Variants in KCNMA1 observed in about 807,000 individuals in gnomAD.
KCNMA1 encodes Calcium-activated potassium channel subunit alpha-1.
Under a neutral mutation model 140.0 loss-of-function variants are expected in KCNMA1, and 29 were observed. That is an observed-to-expected ratio of 0.21 (90% CI 0.15 to 0.28). The LOEUF is 0.28. Ranked by LOEUF, KCNMA1 falls within the 10% of genes least tolerant of loss-of-function variation. The probability of loss-of-function intolerance (pLI) is 1.00; values close to 1 mark genes in which losing one functional copy is unlikely to be tolerated. For missense variants in KCNMA1, 880 were observed against 1,602.2 expected (o/e 0.55, Z 7.70); for synonymous variants, 612 against 611.9 (o/e 1.00, Z 0.00).
At chr10:77,045,012 G>T (rs370028336) in intron 14 of KCNMA1, among the ~76,000 whole-genome samples, 1 of 152,188 alleles carries the variant, frequency 6.6e-6, no homozygotes, top group Non-Finnish European at 1.5e-5. Flanking sequence ...TTTACGAGAC[G>T]TCTAGCAAGG....
At chr10:77,339,376 G>T (rs1347670839) in intron 2 of KCNMA1, among the ~76,000 whole-genome samples, 3 of 152,122 alleles carry the variant, frequency 2.0e-5, no homozygotes, top group African/African-American at 7.2e-5. Context: ...TGCCTTTCCT[G>T]GGATGTCAGC....
chr10:77,116,700 CCTT>C lies in KCNMA1; in HGVS notation c.885-4261_885-4259del, dbSNP rs965561751. 1.8e-4 allele frequency among the ~76,000 whole-genome samples: 28 copies of C among 152,138 alleles called. 1 individual carries two copies. Among genetic ancestry groups the C allele is most frequent in the African/African-American group, 6.7e-4 (28 of 41,518 alleles). On this transcript the variant is annotated intron_variant, in intron 6 of 27. Coordinates refer to ENST00000286628, the MANE Select transcript of KCNMA1 (RefSeq NM_001161352.2). Reference sequence around the variant, plus strand: ...TCAATCCCTTAATTATCTCTAGATCCCTTCTTCTTTCTCTGCCCCAATTTGCAC... The same window carrying C: ...TCAATCCCTTAATTATCTCTAGATCCCTTCTTTCTCTGCCCCAATTTGCAC...
chr10:77,028,207 C>T (rs974622538), intron 15 of KCNMA1, among the ~76,000 whole-genome samples: 9 of 152,118 alleles, frequency 5.9e-5, no homozygotes, highest in Non-Finnish European at 1.3e-4. Flanking sequence ...GTTACTCGGT[C>T]GGGTAGTAAA....
intron 1 of KCNMA1, among the ~76,000 whole-genome samples, chr10:77,413,002 C>T (rs1371597088): frequency 4.0e-5 from 6 of 151,898 alleles, no homozygotes; most frequent in Admixed American, 6.6e-5. Flanking sequence ...GGATTACAGG[C>T]GTGTGTCATC....
At chr10:77,445,196 C>T (rs1437059595) in intron 1 of KCNMA1, among the ~76,000 whole-genome samples, 1 of 152,172 alleles carries the variant, frequency 6.6e-6, no homozygotes, top group African/African-American at 2.4e-5. Context: ...TCCCCACTTT[C>T]TATAAGGCAA....
At chr10:77,169,491 G>C (rs1196731644) in intron 5 of KCNMA1, among the ~76,000 whole-genome samples, 1 of 151,992 alleles carries the variant, frequency 6.6e-6, no homozygotes, top group African/African-American at 2.4e-5. Context: ...CAAGGCTCAA[G>C]CAATCCTCCC....
chr10:77,424,341 C>G (rs995263968), intron 1 of KCNMA1, among the ~76,000 whole-genome samples: 1 of 152,154 alleles, frequency 6.6e-6, no homozygotes, highest in Non-Finnish European at 1.5e-5. Flanking sequence ...ATCCTTACAA[C>G]TATTTATAGC....
At chr10:76,918,163 A>C (rs2053759205) in intron 23 of KCNMA1, among the ~76,000 whole-genome samples, 2 of 152,206 alleles carry the variant, frequency 1.3e-5, no homozygotes. Flanking sequence ...ACACACTGGC[A>C]CATGGAATAT....
intron 3 of KCNMA1, among the ~76,000 whole-genome samples, chr10:77,220,582 A>C (rs1463135475): frequency 6.6e-6 from 1 of 152,218 alleles, no homozygotes; most frequent in Non-Finnish European, 1.5e-5. Flanking sequence ...TGTGCATACA[A>C]AGGGGCCATT....
At chr10:76,949,409 A>C (rs201409640) in intron 21 of KCNMA1, 43 bp from the exon 22 acceptor site, 2 of 1,476,280 alleles carry the variant, frequency 1.4e-6, no homozygotes, top group East Asian at 2.3e-5. Flanking sequence ...AGAAGACTGC[A>C]TAGGGCTGTT....
At chr10:76,904,046 C>A (rs948936935) in intron 25 of KCNMA1, 2 of 151,996 alleles carry the variant, frequency 1.3e-5, no homozygotes, top group African/African-American at 2.4e-5. Flanking sequence ...GCATATATAC[C>A]AAAAAAATCT....
At chr10:77,390,707 G>T (rs926055958) in intron 2 of KCNMA1, among the ~76,000 whole-genome samples, 4 of 152,176 alleles carry the variant, frequency 2.6e-5, no homozygotes, top group African/African-American at 9.7e-5. Flanking sequence ...CAAAAAGAAT[G>T]TTCTGGACCT....
intron 3 of KCNMA1, among the ~76,000 whole-genome samples, chr10:77,188,043 A>C (rs956202133): frequency 6.6e-6 from 1 of 152,228 alleles, no homozygotes; most frequent in African/African-American, 2.4e-5. Context: ...CATCTTAATG[A>C]TTAATGCACA....
rs937362943 is a variant in KCNMA1 at position 77,180,003 on chromosome 10, G to A, written c.808+3418C>T. Among the ~76,000 whole-genome samples, 12 of 152,262 alleles carry A rather than the reference G, an allele frequency of 7.9e-5. No individual in the cohort carries two copies. In the East Asian group the frequency reaches 2.1e-3, roughly 27 times the overall value. Reference sequence around the variant, plus strand: ...ATGCCGACAATTGAAAACTAAACACGGTGTGGGGAGCGTTCTGGGACAGGT... The same window carrying A: ...ATGCCGACAATTGAAAACTAAACACAGTGTGGGGAGCGTTCTGGGACAGGT... On this transcript the variant is annotated intron_variant, in intron 5 of 27. Coordinates refer to ENST00000286628, the MANE Select transcript of KCNMA1 (RefSeq NM_001161352.2).
intron 3 of KCNMA1, among the ~76,000 whole-genome samples, chr10:77,243,548 C>CT (rs1329911094): frequency 3.3e-5 from 5 of 152,142 alleles, no homozygotes; most frequent in African/African-American, 1.2e-4. Context: ...CCAAAGCATT[C>CT]TTTTTAAGTT....
intron 23 of KCNMA1, chr10:76,939,110 C>CTTTTTTT (rs71028244): frequency 3.0e-5 from 2 of 66,702 alleles, no homozygotes; most frequent in Non-Finnish European, 2.7e-5. Flanking sequence ...GCCACCTCTT[C>CTTTTTTT]TTTTTTTTTT....
intron 1 of KCNMA1, among the ~76,000 whole-genome samples, chr10:77,581,730 C>A (rs2075958510): frequency 6.6e-6 from 1 of 152,234 alleles, no homozygotes; most frequent in Non-Finnish European, 1.5e-5. Context: ...CCTCTCTCGG[C>A]CACTTCTGTT....
chr10:77,027,037 G>T (rs1167774974), intron 16 of KCNMA1, among the ~76,000 whole-genome samples: 2 of 152,116 alleles, frequency 1.3e-5, no homozygotes, highest in African/African-American at 4.8e-5. Flanking sequence ...AAAAGCTTGA[G>T]CATTTCTCAA....
chr10:76,965,193 C>T (rs893521469), intron 20 of KCNMA1, among the ~76,000 whole-genome samples: 10 of 152,254 alleles, frequency 6.6e-5, no homozygotes, highest in African/African-American at 9.6e-5. Context: ...AATTGGGCCA[C>T]GGGTGCTTGA....
Sources: allele counts gnomAD v4.1 joint callset (sites outside exome capture counted in the v4.1 genomes callset), GRCh38; gene constraint gnomAD v4.1.1; transcripts MANE v1.5; gene names NCBI Gene and HGNC (gene_info 2026-07-23, HGNC 2026-07-21).